HSPA2: variants seen among roughly 807,000 people sequenced by gnomAD.
The protein encoded by HSPA2 is heat shock protein family A (Hsp70) member 2.
In HSPA2, 13 loss-of-function variants were observed where a neutral mutation model predicts 35.0. The observed-to-expected ratio is 0.37, with a 90% CI of 0.24 to 0.59. The LOEUF is 0.59. HSPA2 is among the 20% of genes least tolerant of loss of function. The pLI, the probability that HSPA2 is intolerant of heterozygous loss-of-function variation, is 0.70. For synonymous variants in HSPA2, 368 were observed against 382.1 expected (o/e 0.96, Z 0.43); for missense variants, 565 against 885.4 (o/e 0.64, Z 4.59).
At chr14:64,537,067 A>G (rs1040871422), upstream of HSPA2, among the ~76,000 whole-genome samples, 1 of 152,174 alleles carries the variant, frequency 6.6e-6, no homozygotes, top group African/African-American at 2.4e-5. Flanking sequence ...CTCTTTTGCA[A>G]TCTTGGTTTG....
In HSPA2 at chr14:64,540,775, G is replaced by T; in HGVS notation, c.-75G>T. On this transcript the variant is annotated 5_prime_UTR_variant, in exon 1 of 1. It adds an upstream start codon to the 5' untranslated region. Transcript: ENST00000247207. ...GTAGTGCCCGTGGTGCTTGGTTCGA[G>T]GTGGCCGTTAGTTGACTCCGCGGAG... 1 of 1,573,560 alleles carries T rather than the reference G, an allele frequency of 6.4e-7. No homozygotes were observed. Among genetic ancestry groups the T allele is most frequent in the Non-Finnish European group, 8.6e-7 (1 of 1,159,100 alleles).
At chr14:64,539,849 T>C (rs1488239538), upstream of HSPA2, among the ~76,000 whole-genome samples, 1 of 152,130 alleles carries the variant, frequency 6.6e-6, no homozygotes, top group Non-Finnish European at 1.5e-5. Flanking sequence ...GCCCAGCTAA[T>C]TTTTGTATCT....
upstream of HSPA2, chr14:64,540,195 T>C (rs1387764216): frequency 6.5e-6 from 1 of 153,484 alleles, no homozygotes; most frequent in Non-Finnish European, 1.4e-5. Context: ...CTTTATTTCT[T>C]CGGTGCAACC....
Position 64,540,795 on chromosome 14 carries a change from G to A in HSPA2, c.-55G>A. On this transcript the variant is annotated 5_prime_UTR_variant, in exon 1 of 1. Coordinates refer to ENST00000247207, the MANE Select transcript of HSPA2 (RefSeq NM_021979.4). ...TTCGAGGTGGCCGTTAGTTGACTCC[G>A]CGGAGTTCATCTCCCTGGTTTTCCC... The A allele has an allele frequency of 2.5e-6, 4 of 1,593,668 alleles. No homozygotes were observed. The highest frequency in any genetic ancestry group is 1.1e-5 in the South Asian group (1 of 87,628).
Position 64,542,570 on chromosome 14 carries a change from TCGA to T in HSPA2, c.1723_1725del (p.Asp575del), listed in dbSNP as rs759178525. On this transcript the variant is annotated inframe_deletion, in exon 1 of 1. Transcript: ENST00000247207. The surrounding 1 kb of genome is among the most constrained non-coding windows in gnomAD (Gnocchi z 5.7). ...AGCGAGCAGGACAAAAACAAGATCCTCGACAAGTGTCAGGAGGTGATCAACTGG... is the reference window on the plus strand; with the variant it reads ...AGCGAGCAGGACAAAAACAAGATCCTCAAGTGTCAGGAGGTGATCAACTGG... 50 of 1,613,502 alleles carry T rather than the reference TCGA, an allele frequency of 3.1e-5. No individual in the cohort carries two copies. Among genetic ancestry groups the T allele is most frequent in the Non-Finnish European group, 4.2e-5 (49 of 1,179,990 alleles).
chr14:64,539,521 A>G (rs188987399), upstream of HSPA2, among the ~76,000 whole-genome samples: 9 of 152,288 alleles, frequency 5.9e-5, no homozygotes, highest in Admixed American at 5.9e-4. Context: ...ACAAACAGGA[A>G]AAAGGAAGAG....
At position 64,542,743 on chromosome 14, in the gene HSPA2, G is replaced by A. The variant is rs1254979247; in HGVS notation, c.1894G>A (p.Gly632Arg). The A allele has an allele frequency of 6.2e-7, 1 of 1,611,366 alleles. No individual in the cohort carries two copies. Among genetic ancestry groups the A allele is most frequent in the Admixed American group, 1.7e-5 (1 of 59,372 alleles). Residue 632 changes from glycine (G) to arginine (R), a missense_variant, in exon 1 of 1, where the codon GGA becomes AGA. Gly to Arg is a moderately radical substitution (Grantham distance 125, BLOSUM62 -2). This residue lies in a region of HSPA2 where 147 missense variants were observed against 166.7 expected (regional missense o/e 0.88). Coordinates refer to ENST00000247207, the MANE Select transcript of HSPA2 (RefSeq NM_021979.4). This position sits in a 1 kb window ranked among gnomAD's most constrained non-coding sequence, Gnocchi z 5.7. ...SGGGGSGASG[G>R]PTIEEVD ...CGGCGGCGGTTCAGGAGCCTCCGGG[G>A]GACCCACCATCGAAGAAGTGGACTA... is the stretch of plus-strand genomic sequence containing the variant.
chr14:64,540,437 C>T, upstream of HSPA2: 1 of 249,578 alleles, frequency 4.0e-6, no homozygotes, highest in Non-Finnish European at 7.8e-6. Flanking sequence ...AGCGCGTACA[C>T]CTGGCTCTGG....
chr14:64,538,061 A>G (rs1262278168), upstream of HSPA2, among the ~76,000 whole-genome samples: 1 of 151,906 alleles, frequency 6.6e-6, no homozygotes, highest in Non-Finnish European at 1.5e-5. Context: ...CCTTTTTCAA[A>G]ATTTTTTCAA....
At chr14:64,540,690 TG>T, upstream of HSPA2, 1 of 1,141,032 alleles carries the variant, frequency 8.8e-7, no homozygotes, top group Non-Finnish European at 1.2e-6. Context: ...GGATTGGGTC[TG>T]GGAGTTCCCA....
At position 64,541,437 on chromosome 14, in the gene HSPA2, G is replaced by A. The variant is rs752166393; in HGVS notation, c.588G>A (p.Lys196=). ...LDKKGCAGGE[K]NVLIFDLGGG... Reference sequence around the variant, plus strand: ...AGAAGGGCTGCGCGGGCGGCGAGAAGAACGTGCTCATCTTTGACCTGGGCG... The same window carrying A: ...AGAAGGGCTGCGCGGGCGGCGAGAAAAACGTGCTCATCTTTGACCTGGGCG... Residue 196 remains lysine (K), a synonymous_variant, in exon 1 of 1, where the codon AAG becomes AAA. Coordinates refer to ENST00000247207, the MANE Select transcript of HSPA2 (RefSeq NM_021979.4). 6 of 1,613,624 alleles carry A rather than the reference G, an allele frequency of 3.7e-6. No homozygotes were observed. In the South Asian group the frequency reaches 5.5e-5, roughly 15 times the overall value.
In HSPA2 at chr14:64,541,455, C is replaced by T. The variant is rs1314974882; in HGVS notation, c.606C>T (p.Asp202=). The T allele has an allele frequency of 2.5e-6, 4 of 1,613,782 alleles. No homozygotes were observed. In the African/African-American group the frequency reaches 5.3e-5, roughly 22 times the overall value. The stretch of plus-strand genomic sequence containing the variant: ...GCGAGAAGAACGTGCTCATCTTTGA[C>T]CTGGGCGGTGGCACTTTCGACGTGT... ...AGGEKNVLIF[D]LGGGTFDVSI... The change falls in exon 1 of 1, where the codon GAC becomes GAT. Residue 202 remains aspartate, a synonymous_variant. Transcript: ENST00000247207.
rs200575249 is a variant in HSPA2, at chr14:64,542,428, C to A, written c.1579C>A (p.Arg527=). 1 of 1,613,764 alleles carries A rather than the reference C, an allele frequency of 6.2e-7. No individual in the cohort carries two copies. The highest frequency in any genetic ancestry group is 1.1e-5 in the South Asian group (1 of 91,070). Residue 527 remains arginine (R), a synonymous_variant, in exon 1 of 1, where the codon CGG becomes AGG. Transcript: ENST00000247207. This position sits in a 1 kb window ranked among gnomAD's most constrained non-coding sequence, Gnocchi z 5.7. ...DIDRMVQEAE[R]YKSEDEANRD... is the part of the protein sequence containing the mutation. ...TGACCGGATGGTGCAGGAGGCGGAG[C>A]GGTACAAATCGGAAGATGAGGCGAA...
In HSPA2 at chr14:64,541,494, C is replaced by T. The variant is rs748519012; in HGVS notation, c.645C>T (p.Ile215=). The T allele has an allele frequency of 6.2e-7, 1 of 1,613,760 alleles. No homozygotes were observed. Among genetic ancestry groups the T allele is most frequent in the South Asian group, 1.1e-5 (1 of 91,088 alleles). The part of the protein sequence containing the change: ...GGTFDVSILT[I]EDGIFEVKST... The stretch of plus-strand genomic sequence containing the variant: ...CTTTCGACGTGTCCATCCTGACCAT[C>T]GAGGATGGCATCTTCGAGGTGAAGT... Residue 215 remains isoleucine (I), a synonymous_variant, in exon 1 of 1, where the codon ATC becomes ATT. Transcript: ENST00000247207.
Position 64,541,094 on chromosome 14 carries a change from C to T in HSPA2, c.245C>T (p.Ala82Val). 2.5e-6 allele frequency: 4 copies of T among 1,614,198 alleles called. No homozygotes were observed. The highest frequency in any genetic ancestry group is 2.5e-6 in the Non-Finnish European group (3 of 1,180,042). Reference protein sequence around the residue: ...KRLIGRKFEDATVQSDMKHWP... With the variant: ...KRLIGRKFEDVTVQSDMKHWP... ...CTGATTGGACGGAAATTCGAGGATG[C>T]CACAGTGCAGTCGGATATGAAACAC... The change falls in exon 1 of 1, where the codon GCC becomes GTC. Residue 82 changes from alanine to valine, a missense_variant. Physicochemically the swap from Ala to Val is moderately conservative, Grantham distance 64. This residue lies in a region of HSPA2 where 183 missense variants were observed against 281.6 expected (regional missense o/e 0.65). Transcript: ENST00000247207.
chr14:64,537,579 A>G (rs2079988790), upstream of HSPA2, among the ~76,000 whole-genome samples: 3 of 147,882 alleles, frequency 2.0e-5, no homozygotes, highest in African/African-American at 7.5e-5. Context: ...ACTCTGTCTC[A>G]AAAAAAACCA....
At chr14:64,540,720 G>T (rs2080020714), upstream of HSPA2, 1 of 1,402,922 alleles carries the variant, frequency 7.1e-7, no homozygotes. Context: ...TATAAGAACC[G>T]GGAACTGGGC....
In HSPA2 at chr14:64,541,320, G is replaced by C. The variant is rs779282172; in HGVS notation, c.471G>C (p.Gln157His). Residue 157 changes from glutamine (Q) to histidine (H), a missense_variant, in exon 1 of 1, where the codon CAG becomes CAC. Gln to His is a conservative substitution (Grantham distance 24). Coordinates refer to ENST00000247207, the MANE Select transcript of HSPA2 (RefSeq NM_021979.4). ...VPAYFNDSQR[Q>H]ATKDAGTITG... ...CCTATTTCAACGACTCGCAGCGCCAGGCCACCAAGGACGCAGGCACCATCA... is the reference window on the plus strand; with the variant it reads ...CCTATTTCAACGACTCGCAGCGCCACGCCACCAAGGACGCAGGCACCATCA... 1 of 1,613,772 alleles carries C rather than the reference G, an allele frequency of 6.2e-7. No homozygotes were observed. The highest frequency in any genetic ancestry group is 8.5e-7 in the Non-Finnish European group (1 of 1,180,050).
upstream of HSPA2, among the ~76,000 whole-genome samples, chr14:64,539,408 T>C (rs537943450): frequency 1.3e-5 from 2 of 152,314 alleles, no homozygotes; most frequent in African/African-American, 2.4e-5. Flanking sequence ...GATTATATTA[T>C]GGGTTTTCCA....
Sources: gnomAD v4.1 joint callset for allele counts (sites outside exome capture counted in the v4.1 genomes callset) on GRCh38, gnomAD v4.1.1 for gene constraint, gnomAD v4.1.1 regional missense constraint, Gnocchi (gnomAD v3.1) non-coding constraint, MANE v1.5 for transcripts, NCBI Gene and HGNC (gene_info 2026-07-23, HGNC 2026-07-21) for gene names.